Variants in GRIK4 observed in about 807,000 individuals in gnomAD.
GRIK4 encodes glutamate receptor ionotropic, kainate 4.
Under a neutral mutation model 104.9 loss-of-function variants are expected in GRIK4, and 40 were observed. That is an observed-to-expected ratio of 0.38 (90% CI 0.30 to 0.50). The LOEUF is 0.50. GRIK4 is among the 20% of genes least tolerant of loss of function. GRIK4 has a pLI of 0.93. For missense variants in GRIK4, 1,047 were observed against 1,308.1 expected, an observed-to-expected ratio of 0.80 and a Z score of 3.08; for synonymous variants, 485 against 524.9, an observed-to-expected ratio of 0.92 and a Z score of 1.04.
At chr11:120,706,386 G>A (rs997232234) in intron 3 of GRIK4, among the ~76,000 whole-genome samples, 2 of 152,264 alleles carry the variant, frequency 1.3e-5, no homozygotes, top group Non-Finnish European at 2.9e-5. Flanking sequence ...CTTCCATTCC[G>A]ACTGCGTTGG....
At chr11:120,533,782 G>A (rs1169693540) in intron 1 of GRIK4, among the ~76,000 whole-genome samples, 1 of 152,156 alleles carries the variant, frequency 6.6e-6, no homozygotes, top group Non-Finnish European at 1.5e-5. Context: ...GGAGGCTAAG[G>A]CAGAGAATTG....
chr11:120,742,428 A>G (rs905622866), intron 3 of GRIK4, among the ~76,000 whole-genome samples: 1 of 152,026 alleles, frequency 6.6e-6, no homozygotes, highest in African/African-American at 2.4e-5. Flanking sequence ...TATGAAAAAA[A>G]AAGCTCAATA....
intron 1 of GRIK4, among the ~76,000 whole-genome samples, chr11:120,601,612 G>A (rs1948887720): frequency 6.8e-6 from 1 of 147,234 alleles, no homozygotes; most frequent in Non-Finnish European, 1.5e-5. Context: ...ATAATTGACT[G>A]GTTTTTTTTT....
In GRIK4 at chr11:120,581,392, T is replaced by C. The variant is rs138981377; in HGVS notation, c.-159+69505T>C. Among the ~76,000 whole-genome samples, 5 of 152,332 alleles carry C rather than the reference T, an allele frequency of 3.3e-5. No individual in the cohort carries two copies. In the East Asian group the frequency reaches 9.6e-4, roughly 29 times the overall value. On this transcript the variant is annotated intron_variant, in intron 1 of 20. Coordinates refer to ENST00000527524, the MANE Select transcript of GRIK4 (RefSeq NM_014619.5). Reference sequence around the variant, plus strand: ...TAGTTTGATGGTCCAGATTTTGTAGTTTCTTGTTTTTAATTGTAGTAAAAT... The same window carrying C: ...TAGTTTGATGGTCCAGATTTTGTAGCTTCTTGTTTTTAATTGTAGTAAAAT...
At chr11:120,546,204 C>T (rs1948084044) in intron 1 of GRIK4, among the ~76,000 whole-genome samples, 1 of 152,184 alleles carries the variant, frequency 6.6e-6, no homozygotes, top group South Asian at 2.1e-4. Context: ...TGCAAACCAG[C>T]CCTTGCAGCG....
rs2134472766 is a variant in GRIK4, at chr11:120,896,679, C to T, written c.1165-1853C>T. On this transcript the variant is annotated intron_variant, in intron 11 of 20. Coordinates refer to ENST00000527524, the MANE Select transcript of GRIK4 (RefSeq NM_014619.5). ...GCAGGGAGCCACTCCCTCTCACTCT[C>T]AGTCCTCTGGCCCCATAGGGTGGGG... 1.3e-5 allele frequency among the ~76,000 whole-genome samples: 2 copies of T among 152,368 alleles called. 1 individual carries two copies. The highest frequency in any genetic ancestry group is 4.1e-4 in the South Asian group (2 of 4,830).
intron 3 of GRIK4, among the ~76,000 whole-genome samples, chr11:120,722,868 C>A (rs73012305): frequency 0.035 from 5,280 of 152,188 alleles, 113 homozygotes; most frequent in East Asian, 0.092. Flanking sequence ...TGTGCTGGGG[C>A]CTTTGGAGCA....
At chr11:120,644,225 A>G in intron 1 of GRIK4, among the ~76,000 whole-genome samples, 1 of 152,106 alleles carries the variant, frequency 6.6e-6, no homozygotes, top group East Asian at 1.9e-4. Flanking sequence ...TGCTCAGTAA[A>G]TCCTTGTTGA....
chr11:120,886,119 C>A (rs1020705171), intron 11 of GRIK4, among the ~76,000 whole-genome samples: 3 of 152,196 alleles, frequency 2.0e-5, no homozygotes, highest in African/African-American at 7.2e-5. Context: ...TTGCTAAAAT[C>A]TATTTGTAAC....
intron 1 of GRIK4, among the ~76,000 whole-genome samples, chr11:120,640,054 A>AG (rs1029804933): frequency 6.6e-6 from 1 of 152,150 alleles, no homozygotes. Context: ...GTTGCCAGAA[A>AG]GGGGTCTTGA....
chr11:120,882,964 C>T lies in GRIK4; in HGVS notation c.1164+7721C>T, dbSNP rs113358906. Among the ~76,000 whole-genome samples the T allele has an allele frequency of 7.7e-4, 118 of 152,318 alleles. 1 individual carries two copies. Among genetic ancestry groups the T allele is most frequent in the African/African-American group, 2.7e-3 (114 of 41,570 alleles). ...TTTCTCACCTGGCTACTCCTACTCA[C>T]GTCTCCAAAACTCAGCTCAGTGAGG... On this transcript the variant is annotated intron_variant, in intron 11 of 20. Coordinates refer to ENST00000527524, the MANE Select transcript of GRIK4 (RefSeq NM_014619.5).
intron 1 of GRIK4, among the ~76,000 whole-genome samples, chr11:120,515,372 C>T (rs905665615): frequency 5.9e-5 from 9 of 152,214 alleles, no homozygotes; most frequent in African/African-American, 1.4e-4. Flanking sequence ...GACTCTGAGC[C>T]TCACTGGCCT....
chr11:120,522,855 C>T (rs1352867110), intron 1 of GRIK4, among the ~76,000 whole-genome samples: 3 of 152,164 alleles, frequency 2.0e-5, no homozygotes, highest in Admixed American at 1.3e-4. Context: ...CACAGGGCTG[C>T]GCTGAGGGTT....
In GRIK4 at chr11:120,819,761, C is replaced by T; in HGVS notation, c.352C>T (p.His118Tyr). Residue 118 changes from histidine (H) to tyrosine (Y), a missense_variant, in exon 6 of 21, where the codon CAC (histidine) becomes TAC (tyrosine). Physicochemically the swap from His to Tyr is moderately conservative, Grantham distance 83. Around this residue, in one of 3 missense-constraint regions of GRIK4, gnomAD observed 447 missense variants for 514.9 expected, o/e 0.87. Transcript: ENST00000527524. This position sits in a 1 kb window ranked among gnomAD's most constrained non-coding sequence, Gnocchi z 4.3. Reference sequence around the variant, plus strand: ...TTTTTGCTCCTCTTGCCAGGTCCCTCACTTCAAAGTGGCCCCAGAGGAGTT... The same window carrying T: ...TTTTTGCTCCTCTTGCCAGGTCCCTTACTTCAAAGTGGCCCCAGAGGAGTT... ...SNICGEKEVP[H>Y]FKVAPEEFVK... 2 of 1,614,156 alleles carry T rather than the reference C, an allele frequency of 1.2e-6. No individual in the cohort carries two copies. The highest frequency in any genetic ancestry group is 1.7e-6 in the Non-Finnish European group (2 of 1,179,990).
At chr11:120,686,428 A>G (rs1950277698) in intron 3 of GRIK4, among the ~76,000 whole-genome samples, 1 of 152,208 alleles carries the variant, frequency 6.6e-6, no homozygotes, top group African/African-American at 2.4e-5. Flanking sequence ...TAATTATTTA[A>G]GCACACGGTA....
intron 13 of GRIK4, among the ~76,000 whole-genome samples, chr11:120,937,199 C>T (rs1051576127): frequency 2.0e-5 from 3 of 152,070 alleles, no homozygotes; most frequent in Admixed American, 2.0e-4. Flanking sequence ...CCACCATGCC[C>T]AGCTAATTTT....
At chr11:120,786,136 CA>C (rs1003678520) in intron 3 of GRIK4, among the ~76,000 whole-genome samples, 1 of 152,168 alleles carries the variant, frequency 6.6e-6, no homozygotes, top group African/African-American at 2.4e-5. Flanking sequence ...CCATCATCAT[CA>C]GTGTCCACGG....
chr11:120,937,674 G>A (rs1943627844), intron 13 of GRIK4, among the ~76,000 whole-genome samples: 1 of 152,158 alleles, frequency 6.6e-6, no homozygotes, highest in Non-Finnish European at 1.5e-5. Context: ...GTCAGTGAGT[G>A]AGTAGACAGA....
intron 1 of GRIK4, among the ~76,000 whole-genome samples, chr11:120,538,226 C>A (rs1008270738): frequency 6.6e-6 from 1 of 152,348 alleles, no homozygotes; most frequent in South Asian, 2.1e-4. Flanking sequence ...AAGACAGGGC[C>A]GCGCATCACT....
Sources: gnomAD v4.1 joint callset for allele counts (sites outside exome capture counted in the v4.1 genomes callset) on GRCh38, gnomAD v4.1.1 for gene constraint, gnomAD v4.1.1 regional missense constraint, Gnocchi (gnomAD v3.1) non-coding constraint, MANE v1.5 for transcripts, NCBI Gene and HGNC (gene_info 2026-07-23, HGNC 2026-07-21) for gene names.